Variants in ENTPD1 observed in about 807,000 individuals in gnomAD.
ENTPD1 encodes the protein ectonucleoside triphosphate diphosphohydrolase 1.
ENTPD1 carries 33 observed loss-of-function variants against 57.0 expected under a neutral mutation model. That is an observed-to-expected ratio of 0.58 (90% CI 0.44 to 0.77). The LOEUF (loss-of-function observed/expected upper bound fraction) is 0.77, where lower values mean the gene tolerates loss of function less well. Ranked by LOEUF, ENTPD1 falls within the 30% of genes least tolerant of loss-of-function variation. ENTPD1 has a pLI of 0.00. For synonymous variants in ENTPD1, 202 were observed against 218.8 expected, an observed-to-expected ratio of 0.92 and a Z score of 0.68; for missense variants, 501 against 603.4, an observed-to-expected ratio of 0.83 and a Z score of 1.78.
intron 1 of ENTPD1, among the ~76,000 whole-genome samples, chr10:95,785,907 T>TA (rs1327698827): frequency 2.6e-5 from 4 of 152,182 alleles, no homozygotes; most frequent in Non-Finnish European, 5.9e-5. Flanking sequence ...TGCTACCCAG[T>TA]AAGAACATAA....
chr10:95,845,546 T>C lies in ENTPD1; in HGVS notation c.763T>C (p.Cys255Arg). 1.9e-6 allele frequency: 3 copies of C among 1,614,204 alleles called. No individual in the cohort carries two copies. The East Asian group carries it at 6.7e-5, about 36-fold the overall frequency. Residue 255 changes from cysteine to arginine, a missense_variant, in exon 6 of 10, where the codon TGC becomes CGC. Transcript: ENST00000371205. ...CAATGTCTACACACATAGCTTCTTG[T>C]GCTATGGGAAGGATCAGGCACTCTG... is the stretch of plus-strand genomic sequence containing the variant. Reference protein sequence around the residue: ...DYNVYTHSFLCYGKDQALWQK... With the variant: ...DYNVYTHSFLRYGKDQALWQK...
At chr10:95,839,914 G>A (rs2098419075) in intron 3 of ENTPD1, 106 bp downstream of exon 3, 2 of 1,092,346 alleles carry the variant, frequency 1.8e-6, no homozygotes, top group East Asian at 4.7e-5. Context: ...CGCATAGGAA[G>A]CCAAGTGAAG....
intron 5 of ENTPD1, 81 bp from the exon 6 acceptor site, chr10:95,845,276 G>A: frequency 6.2e-7 from 1 of 1,602,792 alleles, no homozygotes; most frequent in Admixed American, 1.7e-5. Context: ...CTTTGCCTTA[G>A]GAAATCCCTG....
At chr10:95,715,535 AT>A (rs1387951510) in intron 1 of ENTPD1, among the ~76,000 whole-genome samples, 1 of 151,798 alleles carries the variant, frequency 6.6e-6, no homozygotes, top group Non-Finnish European at 1.5e-5. Context: ...TGTTTAGTTC[AT>A]TCACATTCAG....
intron 1 of ENTPD1, among the ~76,000 whole-genome samples, chr10:95,789,322 G>A (rs374533781): frequency 6.6e-6 from 1 of 152,172 alleles, no homozygotes; most frequent in Non-Finnish European, 1.5e-5. Context: ...CTCAGTATGA[G>A]TTGATACGTG....
upstream of ENTPD1, among the ~76,000 whole-genome samples, chr10:95,709,477 G>A (rs867837999): frequency 3.3e-5 from 5 of 151,770 alleles, no homozygotes; most frequent in Non-Finnish European, 7.4e-5. Context: ...TCCACCTCCC[G>A]GGTTCAAGCG....
chr10:95,749,278 C>T (rs560081057), intron 1 of ENTPD1, among the ~76,000 whole-genome samples: 34 of 152,262 alleles, frequency 2.2e-4, no homozygotes, highest in African/African-American at 7.0e-4. Context: ...ATAATGAATT[C>T]GTTCTAAAGG....
chr10:95,816,211 C>A (rs2098329620), intron 1 of ENTPD1, among the ~76,000 whole-genome samples: 1 of 152,172 alleles, frequency 6.6e-6, no homozygotes, highest in Non-Finnish European at 1.5e-5. Context: ...GCCAAATTAT[C>A]ATTTTTAGAG....
chr10:95,706,603 T>C, the ENTPD1 span, among the ~76,000 whole-genome samples: 2 of 152,212 alleles, frequency 1.3e-5, no homozygotes, highest in Admixed American at 6.5e-5. Flanking sequence ...CCTCTCAAAC[T>C]GTCAGCAGAT....
At chr10:95,776,542 C>A (rs982776148) in intron 1 of ENTPD1, among the ~76,000 whole-genome samples, 2 of 152,146 alleles carry the variant, frequency 1.3e-5, no homozygotes, top group African/African-American at 4.8e-5. Context: ...TTGTGGGTAA[C>A]CCGACCTTTC....
At chr10:95,763,534 A>G (rs919342695) in intron 1 of ENTPD1, among the ~76,000 whole-genome samples, 1 of 152,182 alleles carries the variant, frequency 6.6e-6, no homozygotes, top group Non-Finnish European at 1.5e-5. Context: ...ATAAAATTGG[A>G]TATTTATTAA....
intron 1 of ENTPD1, among the ~76,000 whole-genome samples, chr10:95,814,969 C>T (rs555986335): frequency 6.6e-6 from 1 of 152,172 alleles, no homozygotes; most frequent in Admixed American, 6.5e-5. Context: ...TGCCCTTTAA[C>T]TAACTGGTTA....
At chr10:95,719,675 A>C (rs752805948) in intron 1 of ENTPD1, among the ~76,000 whole-genome samples, 1 of 152,234 alleles carries the variant, frequency 6.6e-6, no homozygotes, top group African/African-American at 2.4e-5. Flanking sequence ...GCTTGATGGC[A>C]CAAGGTTTCT....
intron 1 of ENTPD1, among the ~76,000 whole-genome samples, chr10:95,770,018 A>C (rs1010155705): frequency 6.6e-6 from 1 of 152,144 alleles, no homozygotes; most frequent in African/African-American, 2.4e-5. Flanking sequence ...ATGGATATAC[A>C]AATTTGGAGT....
At chr10:95,764,706 G>T (rs2098081120) in intron 1 of ENTPD1, among the ~76,000 whole-genome samples, 1 of 146,946 alleles carries the variant, frequency 6.8e-6, no homozygotes, top group Non-Finnish European at 1.5e-5. Flanking sequence ...TGCCTGTTCA[G>T]ATCCTTTGCC....
At chr10:95,714,339 CATAAATAA>C (rs749037142) in intron 1 of ENTPD1, among the ~76,000 whole-genome samples, 7 of 151,934 alleles carry the variant, frequency 4.6e-5, no homozygotes, top group African/African-American at 1.5e-4. Flanking sequence ...ATAAAATTTA[CATAAATAA>C]ATAAATAAAT....
chr10:95,763,556 T>C (rs2098075811), intron 1 of ENTPD1, among the ~76,000 whole-genome samples: 1 of 152,218 alleles, frequency 6.6e-6, no homozygotes, highest in African/African-American at 2.4e-5. Flanking sequence ...CAATCCAGTC[T>C]TTTCAATTAT....
At position 95,869,425 on chromosome 10, in the gene ENTPD1, T is replaced by C. The variant is rs898561220; in HGVS notation, c.*3042T>C. 4.3e-6 allele frequency: 3 copies of C among 696,158 alleles called. No homozygotes were observed. Among genetic ancestry groups the C allele is most frequent in the Non-Finnish European group, 5.3e-6 (3 of 566,448 alleles). The allele number at this position is 696,158 out of a possible 1,614,324, so 43.1% of individuals were successfully genotyped here. A position where few individuals can be genotyped will look rare whatever the true frequency, so the allele number is the denominator to read the frequency against. On this transcript the variant is annotated 3_prime_UTR_variant, in exon 10 of 10. Transcript: ENST00000371205. ...CCACCACACCCGGCTAATTTTTGTA[T>C]TTTTAGTAAAGACAGGGTTTCACCA...
At chr10:95,704,087 C>CA in the ENTPD1 span, among the ~76,000 whole-genome samples, 7 of 151,640 alleles carry the variant, frequency 4.6e-5, no homozygotes, top group Non-Finnish European at 7.4e-5. Flanking sequence ...AAGACTCTGT[C>CA]AAAAAAACAA....
Sources: allele counts gnomAD v4.1 joint callset (sites outside exome capture counted in the v4.1 genomes callset), GRCh38; gene constraint gnomAD v4.1.1; transcripts MANE v1.5; gene names NCBI Gene and HGNC (gene_info 2026-07-23, HGNC 2026-07-21).